DOCK2: variants seen among roughly 807,000 people sequenced by gnomAD.
DOCK2 encodes dedicator of cytokinesis protein 2.
Under a neutral mutation model 248.9 loss-of-function variants are expected in DOCK2, and 87 were observed. The observed-to-expected ratio is 0.35, with a 90% confidence interval of 0.29 to 0.42. The LOEUF (loss-of-function observed/expected upper bound fraction) is 0.42, where lower values mean the gene tolerates loss of function less well. Among genes scored for constraint, DOCK2 ranks in the 10% least tolerant of loss-of-function variants. The pLI is 1.00. For synonymous variants in DOCK2, 805 were observed against 821.6 expected (o/e 0.98, Z 0.35); for missense variants, 1,747 against 2,300.2 (o/e 0.76, Z 4.92).
At position 169,772,059 on chromosome 5, in the gene DOCK2, C is replaced by G. The variant is rs115181498; in HGVS notation, c.2554+10434C>G. Reference sequence around the variant, plus strand: ...ATTTTCAGGACATTGCTCTTTCCTACAGGCTGTGGGCTGAGTTGCTATAGC... The same window carrying G: ...ATTTTCAGGACATTGCTCTTTCCTAGAGGCTGTGGGCTGAGTTGCTATAGC... On this transcript the variant is annotated intron_variant, in intron 25 of 51. Coordinates refer to ENST00000520908, the MANE Select transcript of DOCK2 (RefSeq NM_004946.3). Among the ~76,000 whole-genome samples the G allele has an allele frequency of 7.2e-3, 1,101 of 152,296 alleles. 21 individuals are homozygous for G. The highest frequency in any genetic ancestry group is 0.025 in the African/African-American group (1,039 of 41,552).
At chr5:169,849,728 G>C (rs1181004241) in intron 27 of DOCK2, among the ~76,000 whole-genome samples, 1 of 152,224 alleles carries the variant, frequency 6.6e-6, no homozygotes, top group Non-Finnish European at 1.5e-5. Context: ...GGCTGGCATG[G>C]AGTTTGCAAA....
intron 27 of DOCK2, chr5:169,841,259 A>G: frequency 1.1e-6 from 1 of 880,106 alleles, no homozygotes; most frequent in Non-Finnish European, 1.4e-6. Context: ...AAGGGGCTTC[A>G]TTGCGTGTTA....
chr5:169,972,061 G>A (rs1473382273), intron 27 of DOCK2, among the ~76,000 whole-genome samples: 2 of 152,172 alleles, frequency 1.3e-5, no homozygotes, highest in Non-Finnish European at 2.9e-5. Context: ...CAACTTCCCA[G>A]ACAGTCACTA....
At chr5:169,748,918 A>C (rs1763757883) in intron 23 of DOCK2, among the ~76,000 whole-genome samples, 1 of 152,212 alleles carries the variant, frequency 6.6e-6, no homozygotes. Context: ...GCCATGTTAT[A>C]AAAGGATAAA....
intron 32 of DOCK2, among the ~76,000 whole-genome samples, chr5:170,018,072 G>A (rs1036853638): frequency 6.6e-6 from 1 of 152,158 alleles, no homozygotes; most frequent in Non-Finnish European, 1.5e-5. Context: ...AGTGGGGGAG[G>A]CAGATGTTAA....
chr5:170,064,576 A>T (rs886407624), intron 44 of DOCK2, among the ~76,000 whole-genome samples: 7 of 152,198 alleles, frequency 4.6e-5, no homozygotes, highest in African/African-American at 1.7e-4. Flanking sequence ...CAAAAAGAAA[A>T]GAATGAAAAA....
chr5:170,033,986 G>A (rs1445430495), intron 34 of DOCK2, among the ~76,000 whole-genome samples: 2 of 152,152 alleles, frequency 1.3e-5, no homozygotes, highest in Non-Finnish European at 2.9e-5. Context: ...ACACATTTGT[G>A]AGTATTATAT....
intron 22 of DOCK2, among the ~76,000 whole-genome samples, chr5:169,746,696 G>T (rs1294201017): frequency 6.6e-6 from 1 of 152,044 alleles, no homozygotes; most frequent in African/African-American, 2.4e-5. Flanking sequence ...TTTACATGAG[G>T]GACTGGTTCT....
At chr5:169,951,849 A>T (rs1776679325) in intron 27 of DOCK2, among the ~76,000 whole-genome samples, 1 of 152,218 alleles carries the variant, frequency 6.6e-6, no homozygotes. Flanking sequence ...CTGAAAATTT[A>T]GGAAACTTGC....
intron 27 of DOCK2, among the ~76,000 whole-genome samples, chr5:169,961,093 G>C (rs1040090197): frequency 6.6e-6 from 1 of 152,236 alleles, no homozygotes. Context: ...GTGAGACACT[G>C]TTTAGGTCAA....
At chr5:169,654,543 T>A in intron 2 of DOCK2, 57 bp downstream of exon 2, 3 of 1,588,248 alleles carry the variant, frequency 1.9e-6, no homozygotes, top group Non-Finnish European at 2.6e-6. Context: ...AAGCCTATAG[T>A]ACACCCAGGC....
intron 2 of DOCK2, among the ~76,000 whole-genome samples, chr5:169,662,684 G>A (rs1377670439): frequency 6.6e-6 from 1 of 152,162 alleles, no homozygotes; most frequent in Admixed American, 6.5e-5. Flanking sequence ...AGTGCCATAC[G>A]TTTAAACCAT....
intron 30 of DOCK2, among the ~76,000 whole-genome samples, chr5:169,999,337 G>A (rs1754755206): frequency 6.6e-6 from 1 of 152,188 alleles, no homozygotes; most frequent in Non-Finnish European, 1.5e-5. Flanking sequence ...TCATTGGATT[G>A]TTGTGAGGAT....
chr5:169,945,678 T>G (rs1776420030), intron 27 of DOCK2, among the ~76,000 whole-genome samples: 1 of 151,904 alleles, frequency 6.6e-6, no homozygotes, highest in African/African-American at 2.4e-5. Flanking sequence ...TAGGAAGGAG[T>G]AGAACGGAGG....
At chr5:169,768,430 G>C (rs1416940121) in intron 25 of DOCK2, among the ~76,000 whole-genome samples, 2 of 152,176 alleles carry the variant, frequency 1.3e-5, no homozygotes, top group African/African-American at 4.8e-5. Context: ...GTATTGACTT[G>C]GTAATTCTTC....
In DOCK2 at chr5:170,055,265, G is replaced by A. The variant is rs758845765; in HGVS notation, c.4214-40G>A. 5.5e-5 allele frequency: 88 copies of A among 1,597,890 alleles called. No homozygotes were observed. The Middle Eastern group carries it at 6.6e-4, about 12-fold the overall frequency. On this transcript the variant is annotated intron_variant, in intron 41 of 51. Coordinates refer to ENST00000520908, the MANE Select transcript of DOCK2 (RefSeq NM_004946.3). ...ACCAGCTATACTTAAAACTGTCCCC[G>A]CAGCCAACAGATATAAGTCCTTAAC...
chr5:169,759,288 G>A (rs931818077), intron 23 of DOCK2, among the ~76,000 whole-genome samples: 1 of 152,192 alleles, frequency 6.6e-6, no homozygotes, highest in African/African-American at 2.4e-5. Flanking sequence ...AAATAGGCCT[G>A]GTGCTCTGTT....
intron 27 of DOCK2, among the ~76,000 whole-genome samples, chr5:169,876,148 A>T (rs1772321115): frequency 6.6e-6 from 1 of 151,974 alleles, no homozygotes; most frequent in Non-Finnish European, 1.5e-5. Flanking sequence ...TCTGACTCTG[A>T]TCCTCTGGCC....
intron 27 of DOCK2, among the ~76,000 whole-genome samples, chr5:169,950,720 T>C (rs1404755614): frequency 1.3e-5 from 2 of 152,246 alleles, no homozygotes; most frequent in Admixed American, 1.3e-4. Context: ...AACAGCCACA[T>C]TCTTTCACAG....
Sources: allele counts gnomAD v4.1 joint callset (sites outside exome capture counted in the v4.1 genomes callset), GRCh38; gene constraint gnomAD v4.1.1; transcripts MANE v1.5; gene names NCBI Gene and HGNC (gene_info 2026-07-23, HGNC 2026-07-21).